CLCN6: variants seen among roughly 807,000 people sequenced by gnomAD.
The protein encoded by CLCN6 is Cl-/H+ antiporter 6.
A neutral mutation model predicts 109.8 loss-of-function variants in CLCN6; 70 were observed. The ratio of observed to expected loss-of-function variants is 0.64; its 90% CI spans 0.53 to 0.78. The LOEUF (loss-of-function observed/expected upper bound fraction) is 0.78, where lower values mean the gene tolerates loss of function less well. Among genes scored for constraint, CLCN6 ranks in the 30% least tolerant of loss-of-function variants. CLCN6 has a pLI of 0.00. For synonymous variants in CLCN6, 444 were observed against 447.8 expected (o/e 0.99, Z 0.11); for missense variants, 984 against 1,142.3 (o/e 0.86, Z 2.00).
At chr1:11,821,284 G>A (rs1011881958) in intron 5 of CLCN6, among the ~76,000 whole-genome samples, 10 of 152,048 alleles carry the variant, frequency 6.6e-5, no homozygotes, top group African/African-American at 1.4e-4. Context: ...GAGGCTGGGC[G>A]CGGTGGCTGA....
intron 12 of CLCN6, 22 bp downstream of exon 12, chr1:11,828,646 C>T (rs962493461): frequency 8.9e-6 from 14 of 1,574,902 alleles, no homozygotes; most frequent in African/African-American, 6.8e-5. Flanking sequence ...GTCGCCTCCC[C>T]CCCGAGCCTG....
chr1:11,824,624 C>G, intron 8 of CLCN6, 71 bp downstream of exon 8: 2 of 1,233,280 alleles, frequency 1.6e-6, no homozygotes, highest in Non-Finnish European at 2.3e-6. Flanking sequence ...TGGGCCAAAT[C>G]CATTGGGACA....
intron 13 of CLCN6, among the ~76,000 whole-genome samples, chr1:11,832,480 C>T (rs866416605): frequency 6.6e-6 from 1 of 152,258 alleles, no homozygotes; most frequent in Non-Finnish European, 1.5e-5. Flanking sequence ...GCTCATCCCC[C>T]GTGCACTCCA....
At chr1:11,814,022 T>A (rs1644636952) in intron 2 of CLCN6, among the ~76,000 whole-genome samples, 2 of 152,320 alleles carry the variant, frequency 1.3e-5, no homozygotes, top group South Asian at 4.1e-4. Context: ...ACTCAGTCAC[T>A]TGTTGGTACT....
chr1:11,837,276 T>C (rs1644962604), intron 19 of CLCN6, 67 bp from the exon 20 acceptor site: 2 of 1,588,418 alleles, frequency 1.3e-6, no homozygotes, highest in Non-Finnish European at 1.7e-6. Flanking sequence ...GGGAGCGGGC[T>C]GGGAACATGG....
intron 20 of CLCN6, 73 bp downstream of exon 20, chr1:11,837,572 G>A: frequency 6.8e-7 from 1 of 1,474,052 alleles, no homozygotes; most frequent in Non-Finnish European, 9.3e-7. Context: ...CTGCCGGCGG[G>A]CCGTGAACAG....
chr1:11,811,800 T>C (rs1644602829), intron 2 of CLCN6, among the ~76,000 whole-genome samples: 1 of 152,196 alleles, frequency 6.6e-6, no homozygotes, highest in Non-Finnish European at 1.5e-5. Flanking sequence ...CTCCTTTCTG[T>C]CTATTTGCCT....
intron 13 of CLCN6, among the ~76,000 whole-genome samples, chr1:11,830,462 T>G (rs1644864969): frequency 6.6e-6 from 1 of 152,090 alleles, no homozygotes; most frequent in African/African-American, 2.4e-5. Context: ...ATTTACATTG[T>G]ATTAGGGTAT....
At chr1:11,811,143 G>A (rs568813643) in intron 2 of CLCN6, among the ~76,000 whole-genome samples, 8 of 152,146 alleles carry the variant, frequency 5.3e-5, no homozygotes, top group South Asian at 4.2e-4. Context: ...CCCAGGAGAC[G>A]GAGGTTGCAG....
Position 11,838,616 on chromosome 1 carries a change from A to G in CLCN6, c.2485A>G (p.Thr829Ala). 6.2e-6 allele frequency: 10 copies of G among 1,614,130 alleles called. No individual in the cohort carries two copies. Among genetic ancestry groups the G allele is most frequent in the Non-Finnish European group, 7.6e-6 (9 of 1,180,032 alleles). The change falls in exon 22 of 23, where the codon ACG (threonine) becomes GCG (alanine). Residue 829 changes from threonine (T) to alanine (A), a missense_variant. Thr to Ala is a moderately conservative substitution (Grantham distance 58). Transcript: ENST00000346436. Reference sequence around the variant, plus strand: ...CTCCCAAGTCTTCAACCTGTTCAGAACGATGGGCCTGCGCCACCTGCCCGT... The same window carrying G: ...CTCCCAAGTCTTCAACCTGTTCAGAGCGATGGGCCTGCGCCACCTGCCCGT... ...HVSQVFNLFR[T>A]MGLRHLPVVN...
rs375970486 is a variant in CLCN6, at chr1:11,838,649, G to A, written c.2518G>A (p.Ala840Thr). The change falls in exon 22 of 23, where the codon GCT becomes ACT. Residue 840 changes from alanine to threonine, a missense_variant. By Grantham distance (58) the Ala-to-Thr change is moderately conservative. Transcript: ENST00000346436. ...CCTGCGCCACCTGCCCGTGGTGAAC[G>A]CTGTGGGAGAGGTGAGCGAGGCCCC... ...MGLRHLPVVN[A>T]VGEIVGIITR... is the part of the protein sequence containing the mutation. The A allele has an allele frequency of 5.0e-6, 8 of 1,614,088 alleles. No homozygotes were observed. The highest frequency in any genetic ancestry group is 1.7e-5 in the Admixed American group (1 of 60,008).
In CLCN6 at chr1:11,819,479, T is replaced by C. The variant is rs1644714035; in HGVS notation, c.280-9T>C. 1.9e-6 allele frequency: 3 copies of C among 1,613,872 alleles called. No individual in the cohort carries two copies. Among genetic ancestry groups the C allele is most frequent in the Middle Eastern group, 1.7e-4 (1 of 6,060 alleles). The stretch of plus-strand genomic sequence containing the variant: ...TAAGGCTGTGTGACAGATCTCTTGC[T>C]CTTCACAGGTGGGTCTCTTTGTGGA... On this transcript the variant is annotated splice_polypyrimidine_tract_variant and intron_variant, in intron 4 of 22. Transcript: ENST00000346436.
chr1:11,810,598 A>C (rs536104792), intron 2 of CLCN6, among the ~76,000 whole-genome samples: 135 of 152,368 alleles, frequency 8.9e-4, no homozygotes, highest in African/African-American at 3.2e-3. Context: ...CAAGACACAG[A>C]TAACATTTTA....
chr1:11,837,042 G>A lies in CLCN6; in HGVS notation c.2024G>A (p.Ser675Asn), dbSNP rs1158807520. The change falls in exon 19 of 23, where the codon AGC (serine) becomes AAC (asparagine). Residue 675 changes from serine to asparagine, a missense_variant. Ser to Asn is a conservative substitution (Grantham distance 46, BLOSUM62 1). Transcript: ENST00000346436. ...CGGGCTGGCGAGCAGCGCAAACGGA[G>A]CCAGTCCATGAAGTCCTACCCATCC... ...LTRAGEQRKR[S>N]QSMKSYPSSE... The A allele has an allele frequency of 3.1e-6, 5 of 1,612,714 alleles. No individual in the cohort carries two copies. The highest frequency in any genetic ancestry group is 4.2e-6 in the Non-Finnish European group (5 of 1,180,036).
chr1:11,834,438 G>T lies in CLCN6; in HGVS notation c.1686+43G>T, dbSNP rs375506027. The T allele has an allele frequency of 6.2e-7, 1 of 1,613,204 alleles. No homozygotes were observed. The highest frequency in any genetic ancestry group is 8.5e-7 in the Non-Finnish European group (1 of 1,179,304). On this transcript the variant is annotated intron_variant, in intron 16 of 22. Transcript: ENST00000346436. This position sits in a 1 kb window ranked among gnomAD's most constrained non-coding sequence, Gnocchi z 4.5. Reference sequence around the variant, plus strand: ...AGGCCCCTGTCAGGCTCAGGGCCACGTCCGCCCCACAGGACCTATTTTTAG... The same window carrying T: ...AGGCCCCTGTCAGGCTCAGGGCCACTTCCGCCCCACAGGACCTATTTTTAG...
chr1:11,810,832 A>G (rs905141852), intron 2 of CLCN6, among the ~76,000 whole-genome samples: 1 of 152,138 alleles, frequency 6.6e-6, no homozygotes, highest in Non-Finnish European at 1.5e-5. Flanking sequence ...TTGGGAGGCC[A>G]AGGCAGGAGG....
chr1:11,831,449 C>T (rs1570536188), intron 13 of CLCN6, among the ~76,000 whole-genome samples: 1 of 152,038 alleles, frequency 6.6e-6, no homozygotes, highest in Non-Finnish European at 1.5e-5. Context: ...GCCACCGTGT[C>T]CAGCTGGTTT....
Position 11,834,141 on chromosome 1 carries a change from C to T in CLCN6, c.1527-95C>T. The T allele has an allele frequency of 6.3e-7, 1 of 1,594,156 alleles. No homozygotes were observed. The highest frequency in any genetic ancestry group is 8.5e-7 in the Non-Finnish European group (1 of 1,170,726). ...TGATGTGTCTGTGCCCATGCATGCA[C>T]ATATGTGCATAGGCACAAGAGTATG... On this transcript the variant is annotated intron_variant, in intron 15 of 22. Transcript: ENST00000346436. The surrounding 1 kb of genome is among the most constrained non-coding windows in gnomAD (Gnocchi z 4.5).
intron 22 of CLCN6, 178 bp downstream of exon 22, chr1:11,838,838 C>T: frequency 2.2e-6 from 2 of 900,832 alleles, no homozygotes; most frequent in East Asian, 2.6e-5. Context: ...TTTCCCCTGC[C>T]TGCCAGCAGA....
Sources: gnomAD v4.1 joint callset for allele counts (sites outside exome capture counted in the v4.1 genomes callset) on GRCh38, gnomAD v4.1.1 for gene constraint, Gnocchi (gnomAD v3.1) non-coding constraint, MANE v1.5 for transcripts, NCBI Gene and HGNC (gene_info 2026-07-23, HGNC 2026-07-21) for gene names.